Variants in NECAB1 observed in about 807,000 individuals in gnomAD.
NECAB1 encodes N-terminal EF-hand calcium-binding protein 1.
In NECAB1, 29 loss-of-function variants were observed where a neutral mutation model predicts 57.5. That is an observed-to-expected ratio of 0.50 (90% CI 0.38 to 0.69). The LOEUF is 0.69. Ranked by LOEUF, NECAB1 falls within the 30% of genes least tolerant of loss-of-function variation. NECAB1 has a pLI of 0.00. For missense variants in NECAB1, 372 were observed against 413.8 expected, an observed-to-expected ratio of 0.90 and a Z score of 0.88; for synonymous variants, 142 against 147.7, an observed-to-expected ratio of 0.96 and a Z score of 0.28.
At chr8:90,898,567 C>T (rs1563524404) in intron 5 of NECAB1, among the ~76,000 whole-genome samples, 1 of 152,168 alleles carries the variant, frequency 6.6e-6, no homozygotes, top group Non-Finnish European at 1.5e-5. Context: ...TTGGACTGTG[C>T]TTCCTATTCC....
intron 3 of NECAB1, among the ~76,000 whole-genome samples, chr8:90,844,911 A>G (rs1177789303): frequency 6.6e-6 from 1 of 152,210 alleles, no homozygotes. Context: ...TGTATCTATA[A>G]GAAGAGAGAT....
At chr8:90,842,367 CT>C (rs548978079) in intron 3 of NECAB1, among the ~76,000 whole-genome samples, 1 of 151,930 alleles carries the variant, frequency 6.6e-6, no homozygotes, top group Non-Finnish European at 1.5e-5. Context: ...GTGATGTTGC[CT>C]TTTTTTTGAA....
chr8:90,841,544 A>G (rs1812454789), intron 3 of NECAB1, among the ~76,000 whole-genome samples: 1 of 152,104 alleles, frequency 6.6e-6, no homozygotes, highest in Non-Finnish European at 1.5e-5. Flanking sequence ...ATAATAGGAG[A>G]ATATTGGAGG....
intron 2 of NECAB1, among the ~76,000 whole-genome samples, chr8:90,820,912 G>A (rs1812133544): frequency 6.6e-6 from 1 of 151,838 alleles, no homozygotes; most frequent in African/African-American, 2.4e-5. Flanking sequence ...TGTGCTAGGT[G>A]CTGTGTTAAT....
chr8:90,846,601 A>C (rs12550756), intron 3 of NECAB1, among the ~76,000 whole-genome samples: 48,854 of 152,094 alleles, frequency 0.32, 9,048 homozygotes, highest in East Asian at 0.73. Flanking sequence ...GTATTAGTCC[A>C]TTCTCATGCT....
At chr8:90,906,655 G>C (rs766281062) in intron 5 of NECAB1, among the ~76,000 whole-genome samples, 2 of 151,758 alleles carry the variant, frequency 1.3e-5, no homozygotes, top group Non-Finnish European at 2.9e-5. Flanking sequence ...ACCTTTTATA[G>C]TGCATTCTAT....
chr8:90,792,763 TTTTA>T (rs1811596946), intron 1 of NECAB1, among the ~76,000 whole-genome samples: 1 of 152,192 alleles, frequency 6.6e-6, no homozygotes, highest in Non-Finnish European at 1.5e-5. Flanking sequence ...TTTACAGCAC[TTTTA>T]TTTCTTATTT....
chr8:90,850,861 T>C (rs980417402), intron 3 of NECAB1, among the ~76,000 whole-genome samples: 6 of 152,316 alleles, frequency 3.9e-5, no homozygotes, highest in Admixed American at 3.9e-4. Context: ...TCTTTTGTTA[T>C]TTATGGTAAG....
chr8:90,953,795 G>A (rs1225431721), intron 12 of NECAB1, among the ~76,000 whole-genome samples: 1 of 152,126 alleles, frequency 6.6e-6, no homozygotes, highest in Non-Finnish European at 1.5e-5. Flanking sequence ...TTAGCTGGGC[G>A]CTATGGCTCA....
intron 1 of NECAB1, among the ~76,000 whole-genome samples, chr8:90,797,962 C>T (rs985442387): frequency 6.6e-6 from 1 of 152,112 alleles, no homozygotes; most frequent in Non-Finnish European, 1.5e-5. Flanking sequence ...CAAACTATCA[C>T]AATAGAATGT....
chr8:90,954,082 A>T (rs1396923157), intron 12 of NECAB1, among the ~76,000 whole-genome samples: 1 of 150,040 alleles, frequency 6.7e-6, no homozygotes, highest in African/African-American at 2.4e-5. Flanking sequence ...AAATAAATAA[A>T]TAAATAAATA....
chr8:90,884,076 TGTTA>T (rs1409328499), intron 5 of NECAB1, among the ~76,000 whole-genome samples: 7 of 152,216 alleles, frequency 4.6e-5, no homozygotes, highest in Non-Finnish European at 1.5e-5. Flanking sequence ...ATTTGGGGTT[TGTTA>T]GTTACTTTAA....
At chr8:90,925,479 G>A in intron 6 of NECAB1, 56 bp from the exon 7 acceptor site, 1 of 1,575,890 alleles carries the variant, frequency 6.3e-7, no homozygotes. Context: ...TCTCTTCCCT[G>A]AAGGAAGAGA....
At chr8:90,852,045 T>C (rs1812693507) in intron 3 of NECAB1, among the ~76,000 whole-genome samples, 1 of 152,112 alleles carries the variant, frequency 6.6e-6, no homozygotes, top group South Asian at 2.1e-4. Flanking sequence ...TATAATTTTG[T>C]TGTTGTTATT....
intron 2 of NECAB1, among the ~76,000 whole-genome samples, chr8:90,811,000 C>T (rs549177846): frequency 1.3e-5 from 2 of 150,430 alleles, no homozygotes; most frequent in South Asian, 2.1e-4. Flanking sequence ...CAGGCTGGAG[C>T]GCAGTGGTGC....
chr8:90,846,426 T>C, intron 3 of NECAB1, among the ~76,000 whole-genome samples: 1 of 152,258 alleles, frequency 6.6e-6, no homozygotes, highest in East Asian at 1.9e-4. Context: ...AATTATGTCA[T>C]AATAGATTGA....
Position 90,875,487 on chromosome 8 carries a change from C to CAAAA in NECAB1, c.259+3359_259+3362dup, listed in dbSNP as rs35777818. Among the ~76,000 whole-genome samples the CAAAA allele has an allele frequency of 6.3e-4, 26 of 41,490 alleles. 6 individuals are homozygous for CAAAA. Among genetic ancestry groups the CAAAA allele is most frequent in the African/African-American group, 2.7e-3 (19 of 7,038 alleles). The allele number at this position is 41,490 out of a possible 152,430, so 27.2% of individuals were successfully genotyped here. A position where few individuals can be genotyped will look rare whatever the true frequency, so the allele number is the denominator to read the frequency against. Reference sequence around the variant, plus strand: ...TGGGCGACAGAGCGAGACTCCGTCTCAAAAAAAAAAAAAAAAAAAAAAAAA... The same window carrying CAAAA: ...TGGGCGACAGAGCGAGACTCCGTCTCAAAAAAAAAAAAAAAAAAAAAAAAAAAAA... On this transcript the variant is annotated intron_variant, in intron 4 of 12. Coordinates refer to ENST00000417640, the MANE Select transcript of NECAB1 (RefSeq NM_022351.5).
chr8:90,875,784 G>A (rs920355043), intron 4 of NECAB1, among the ~76,000 whole-genome samples: 9 of 150,306 alleles, frequency 6.0e-5, no homozygotes, highest in African/African-American at 1.7e-4. Flanking sequence ...AGGCTGAGGC[G>A]GGTGGATCAC....
intron 3 of NECAB1, among the ~76,000 whole-genome samples, chr8:90,860,842 G>T (rs886724061): frequency 5.3e-5 from 8 of 152,058 alleles, no homozygotes; most frequent in African/African-American, 1.2e-4. Flanking sequence ...GAGTGGAGCA[G>T]GAACAAAGCT....
Sources: gnomAD v4.1 joint callset for allele counts (sites outside exome capture counted in the v4.1 genomes callset) on GRCh38, gnomAD v4.1.1 for gene constraint, MANE v1.5 for transcripts, NCBI Gene and HGNC (gene_info 2026-07-23, HGNC 2026-07-21) for gene names.